Variants in EAF1 observed in about 807,000 individuals in gnomAD.
The protein encoded by EAF1 is ELL associated factor 1, also known as ELL-associated factor 1.
In EAF1, 19 loss-of-function variants were observed where a neutral mutation model predicts 26.6. The observed-to-expected ratio is 0.71, with a 90% confidence interval of 0.50 to 1.05. The LOEUF is 1.05. EAF1 is among the 50% of genes least tolerant of loss of function. EAF1 has a pLI of 0.00. For missense variants in EAF1, 260 were observed against 335.5 expected (o/e 0.78, Z 1.76); for synonymous variants, 102 against 120.6 (o/e 0.85, Z 1.01).
chr3:15,438,408 TTC>T (rs1286669555), intron 5 of EAF1, among the ~76,000 whole-genome samples: 1 of 152,242 alleles, frequency 6.6e-6, no homozygotes, highest in Non-Finnish European at 1.5e-5. Context: ...GTATTCACCT[TTC>T]TTAATGGGAA....
chr3:15,438,481 G>A (rs1272812229), intron 5 of EAF1, among the ~76,000 whole-genome samples: 1 of 150,498 alleles, frequency 6.6e-6, no homozygotes, highest in Admixed American at 6.6e-5. Context: ...CAGTTCTTCC[G>A]AATGGTGATC....
chr3:15,430,014 T>A lies in EAF1; in HGVS notation c.198+7T>A. The A allele has an allele frequency of 6.4e-7, 1 of 1,556,722 alleles. No homozygotes were observed. The highest frequency in any genetic ancestry group is 1.2e-5 in the South Asian group (1 of 84,478). On this transcript the variant is annotated splice_region_variant and intron_variant, in intron 2 of 5. Coordinates refer to ENST00000396842, the MANE Select transcript of EAF1 (RefSeq NM_033083.7). ...TACACTGCCACATATCCCTGTGAGT[T>A]TATTTCATTTTTTTTTTTAATGTAA...
chr3:15,431,027 T>C (rs1401695396), intron 2 of EAF1, among the ~76,000 whole-genome samples: 1 of 152,222 alleles, frequency 6.6e-6, no homozygotes, highest in Non-Finnish European at 1.5e-5. Flanking sequence ...TAGTTTCCCA[T>C]ATGTAAAATG....
At position 15,442,209 on chromosome 3, in the gene EAF1, G is replaced by GT. The variant is rs1491173816; in HGVS notation, c.*3055dup. The GT allele has an allele frequency of 1.4e-5, 1 of 69,864 alleles. No homozygotes were observed. The highest frequency in any genetic ancestry group is 2.5e-5 in the Non-Finnish European group (1 of 39,362). The allele number at this position is 69,864 out of a possible 1,614,324, so 4.3% of individuals were successfully genotyped here. A position where few individuals can be genotyped will look rare whatever the true frequency, so the allele number is the denominator to read the frequency against. On this transcript the variant is annotated 3_prime_UTR_variant, in exon 6 of 6. Coordinates refer to ENST00000396842, the MANE Select transcript of EAF1 (RefSeq NM_033083.7). ...CTATTTGAGAGGCTGGTTCAGCAGG[G>GT]TGTGTGTGTGTGTGTGTGTGTGTGT...
rs910710999 is a variant in EAF1, at chr3:15,427,946, C to G, written c.103+64C>G. 1.3e-5 allele frequency: 17 copies of G among 1,287,884 alleles called. No individual in the cohort carries two copies. The South Asian group carries it at 2.4e-4, about 18-fold the overall frequency. 79.8% of individuals were successfully genotyped at this position (1,287,884 alleles called of 1,614,324 possible). A position where few individuals can be genotyped will look rare whatever the true frequency, so the allele number is the denominator to read the frequency against. On this transcript the variant is annotated intron_variant, in intron 1 of 5. Coordinates refer to ENST00000396842, the MANE Select transcript of EAF1 (RefSeq NM_033083.7). ...AGCCGCCACATATCAACCTTGACTC[C>G]TTCCTTTCTTCCCTCGGCCCTTCAG...
At position 15,432,240 on chromosome 3, in the gene EAF1, A is replaced by G. The variant is rs2061806160; in HGVS notation, c.335+17A>G. 1 of 1,613,662 alleles carries G rather than the reference A, an allele frequency of 6.2e-7. No individual in the cohort carries two copies. The highest frequency in any genetic ancestry group is 8.5e-7 in the Non-Finnish European group (1 of 1,179,750). ...GAAAACAAGGTATGTGAATAGCCAG[A>G]TGCAGGTTTATATCATGTTTCCAAA... On this transcript the variant is annotated intron_variant, in intron 3 of 5. Coordinates refer to ENST00000396842, the MANE Select transcript of EAF1 (RefSeq NM_033083.7).
intron 4 of EAF1, among the ~76,000 whole-genome samples, chr3:15,435,639 C>T (rs549588215): frequency 6.6e-6 from 1 of 152,262 alleles, no homozygotes; most frequent in African/African-American, 2.4e-5. Context: ...TGGCGCCTTT[C>T]TTGAAATGGT....
At chr3:15,431,563 C>G (rs1559504601) in intron 2 of EAF1, among the ~76,000 whole-genome samples, 1 of 152,154 alleles carries the variant, frequency 6.6e-6, no homozygotes, top group African/African-American at 2.4e-5. Flanking sequence ...GGCCAAGTGG[C>G]TAGTTTAAAG....
rs199650019 is a variant in EAF1, at chr3:15,436,434, G to A, written c.619G>A (p.Asp207Asn). 2.2e-4 allele frequency: 359 copies of A among 1,613,960 alleles called. 1 individual carries two copies. The South Asian group carries it at 3.3e-3, about 15-fold the overall frequency. ...TGAGAGCTCTTCGGGAAGTGATGAC[G>A]ATAGCTCCAGCAGTGGAGGCGAGGA... ...DSESSSGSDD[D>N]SSSSGGEDNG... The change falls in exon 5 of 6, where the codon GAT (aspartate) becomes AAT (asparagine). Residue 207 changes from aspartate to asparagine, a missense_variant. Asp to Asn is a conservative substitution (Grantham distance 23). Transcript: ENST00000396842.
chr3:15,431,496 G>A (rs2061801800), intron 2 of EAF1, among the ~76,000 whole-genome samples: 2 of 152,196 alleles, frequency 1.3e-5, no homozygotes, highest in South Asian at 2.1e-4. Context: ...AAGCACATGC[G>A]CAGGGGAGTA....
intron 2 of EAF1, among the ~76,000 whole-genome samples, chr3:15,430,512 C>T (rs184693766): frequency 2.6e-5 from 4 of 152,146 alleles, no homozygotes; most frequent in Non-Finnish European, 5.9e-5. Context: ...TCCTTTTCCC[C>T]CATCTGCTAC....
intron 1 of EAF1, among the ~76,000 whole-genome samples, chr3:15,429,352 AC>A (rs1456870695): frequency 9.2e-5 from 14 of 152,042 alleles, no homozygotes; most frequent in African/African-American, 2.4e-4. Flanking sequence ...AAAAAAAAAA[AC>A]AAAAAACAGC....
At chr3:15,433,233 T>TA (rs11328510) in intron 3 of EAF1, 1,606 of 93,974 alleles carry the variant, frequency 0.017, 22 homozygotes, top group African/African-American at 0.037. Flanking sequence ...TGCTATTATC[T>TA]AAAAAAAAAA....
intron 2 of EAF1, among the ~76,000 whole-genome samples, chr3:15,430,459 C>CTCA (rs2061795798): frequency 7.7e-6 from 1 of 129,978 alleles, no homozygotes; most frequent in Admixed American, 7.9e-5. Flanking sequence ...GACTCCCCCT[C>CTCA]AAAAAAAAAA....
rs1345205300 is a variant in EAF1 at position 15,434,334 on chromosome 3, G to A, written c.336-14G>A. The A allele has an allele frequency of 3.7e-6, 6 of 1,612,432 alleles. No individual in the cohort carries two copies. Among genetic ancestry groups the A allele is most frequent in the Non-Finnish European group, 5.1e-6 (6 of 1,178,722 alleles). On this transcript the variant is annotated splice_polypyrimidine_tract_variant and intron_variant, in intron 3 of 5. Coordinates refer to ENST00000396842, the MANE Select transcript of EAF1 (RefSeq NM_033083.7). The stretch of plus-strand genomic sequence containing the variant: ...TTTTTGCCCTGCTAATTTAATGTCT[G>A]TATCTCCTTTCAGAGCTGAGGGCAG...
intron 3 of EAF1, chr3:15,433,068 A>C (rs2061811553): frequency 6.6e-6 from 1 of 151,952 alleles, no homozygotes; most frequent in South Asian, 2.1e-4. Context: ...CTAACAAGTA[A>C]TTTTTAGAAA....
In EAF1 at chr3:15,442,208, G is replaced by GGTGTGTGTGTGTGTGTGTGTGTGT. The variant is rs3067737; in HGVS notation, c.*3058_*3081dup. 6.8e-6 allele frequency: 1 copy of GGTGTGTGTGTGTGTGTGTGTGTGT among 148,030 alleles called. No individual in the cohort carries two copies. The highest frequency in any genetic ancestry group is 2.5e-5 in the African/African-American group (1 of 40,360). The allele number at this position is 148,030 out of a possible 1,614,324, so 9.2% of individuals were successfully genotyped here. On this transcript the variant is annotated 3_prime_UTR_variant, in exon 6 of 6. Transcript: ENST00000396842. ...CCTATTTGAGAGGCTGGTTCAGCAG[G>GGTGTGTGTGTGTGTGTGTGTGTGT]GTGTGTGTGTGTGTGTGTGTGTGTG... is the stretch of plus-strand genomic sequence containing the variant.
intron 5 of EAF1, 43 bp from the exon 6 acceptor site, chr3:15,439,066 T>G: frequency 5.1e-6 from 8 of 1,564,890 alleles, no homozygotes; most frequent in Non-Finnish European, 6.1e-6. Context: ...TTCTGTACTT[T>G]TGTTTGATTC....
chr3:15,433,224 G>A (rs1357772739), intron 3 of EAF1: 1 of 138,164 alleles, frequency 7.2e-6, no homozygotes, highest in East Asian at 2.1e-4. Context: ...TACGAAAGGT[G>A]CTATTATCTA....
Sources: gnomAD v4.1 joint callset for allele counts (sites outside exome capture counted in the v4.1 genomes callset) on GRCh38, gnomAD v4.1.1 for gene constraint, MANE v1.5 for transcripts, NCBI Gene and HGNC (gene_info 2026-07-23, HGNC 2026-07-21) for gene names.